CRACDL: variants seen among roughly 807,000 people sequenced by gnomAD.
CRACDL encodes the protein CRACD-like protein.
CRACDL carries 26 observed loss-of-function variants against 70.6 expected under a neutral mutation model. That is an observed-to-expected ratio of 0.37 (90% CI 0.27 to 0.51). CRACDL has a LOEUF of 0.51. Among genes scored for constraint, CRACDL ranks in the 20% least tolerant of loss-of-function variants. The pLI is 0.94. For missense variants in CRACDL, 1,283 were observed against 1,376.9 expected, an observed-to-expected ratio of 0.93 and a Z score of 1.08; for synonymous variants, 618 against 615.2, an observed-to-expected ratio of 1.00 and a Z score of -0.07.
At chr2:98,904,020 A>G (rs1164721670) in intron 1 of CRACDL, among the ~76,000 whole-genome samples, 1 of 152,170 alleles carries the variant, frequency 6.6e-6, no homozygotes, top group Non-Finnish European at 1.5e-5. Flanking sequence ...AGCCTCATGT[A>G]AGAGAGCCCT....
At chr2:98,918,197 A>G (rs937330894) in intron 1 of CRACDL, among the ~76,000 whole-genome samples, 5 of 152,248 alleles carry the variant, frequency 3.3e-5, no homozygotes, top group African/African-American at 1.2e-4. Flanking sequence ...AAATCTCCAC[A>G]CTGTTTTCCA....
chr2:98,826,412 C>G, intron 6 of CRACDL, among the ~76,000 whole-genome samples: 1 of 152,228 alleles, frequency 6.6e-6, no homozygotes, highest in East Asian at 1.9e-4. Flanking sequence ...GCAGCCAGGA[C>G]AGGGTCTCAA....
At chr2:98,927,138 C>T (rs1294260829) in intron 1 of CRACDL, among the ~76,000 whole-genome samples, 4 of 152,202 alleles carry the variant, frequency 2.6e-5, no homozygotes, top group East Asian at 1.9e-4. Context: ...CCACTATGGA[C>T]GTATCTGGTT....
chr2:98,831,510 C>T (rs1385787974), intron 5 of CRACDL, among the ~76,000 whole-genome samples: 2 of 152,182 alleles, frequency 1.3e-5, no homozygotes, highest in East Asian at 3.8e-4. Flanking sequence ...AAAAAATAAA[C>T]TCTGGCCTTT....
chr2:98,843,055 C>G (rs772887324), intron 2 of CRACDL, among the ~76,000 whole-genome samples: 1 of 152,124 alleles, frequency 6.6e-6, no homozygotes, highest in African/African-American at 2.4e-5. Flanking sequence ...GCATCCTTAT[C>G]AGCTCCTGTT....
At chr2:98,836,524 C>T (rs1705788432) in intron 3 of CRACDL, among the ~76,000 whole-genome samples, 1 of 152,294 alleles carries the variant, frequency 6.6e-6, no homozygotes, top group Non-Finnish European at 1.5e-5. Flanking sequence ...TTTCCATGGG[C>T]TCCTGTGACA....
At position 98,797,385 on chromosome 2, in the gene CRACDL, G is replaced by A; in HGVS notation, c.2569C>T (p.Pro857Ser). The change falls in exon 8 of 10, where the codon CCA (proline) becomes TCA (serine). Residue 857 changes from proline to serine, a missense_variant. Transcript: ENST00000397899. ...TCGGGCACCTTGGCTTGCTTTCCTG[G>A]TTCAGACTTCAGGGTCCGTGCCCCA... ...KPGARTLKSE[P>S]GKQAKVPERG... 1 of 1,614,148 alleles carries A rather than the reference G, an allele frequency of 6.2e-7. No individual in the cohort carries two copies. Among genetic ancestry groups the A allele is most frequent in the Non-Finnish European group, 8.5e-7 (1 of 1,180,036 alleles).
At chr2:98,834,650 C>A (rs1352628022) in intron 3 of CRACDL, among the ~76,000 whole-genome samples, 1 of 152,050 alleles carries the variant, frequency 6.6e-6, no homozygotes, top group Non-Finnish European at 1.5e-5. Context: ...TGCAAAGATA[C>A]CTACATTGAC....
intron 1 of CRACDL, among the ~76,000 whole-genome samples, chr2:98,923,202 C>T (rs994927560): frequency 6.8e-6 from 1 of 147,198 alleles, no homozygotes; most frequent in Admixed American, 6.9e-5. Context: ...ACCCAGGAGG[C>T]GAAAGTTGCA....
At position 98,821,936 on chromosome 2, in the gene CRACDL, G is replaced by A. The variant is rs994098527; in HGVS notation, c.2337C>T (p.Pro779=). 2 of 1,568,692 alleles carry A rather than the reference G, an allele frequency of 1.3e-6. No individual in the cohort carries two copies. Among genetic ancestry groups the A allele is most frequent in the Admixed American group, 3.9e-5 (2 of 51,712 alleles). ...CCCGCTCTCCCGGGCCGGCGTCGGGGGGCGCGGGCTGGTGCGGGAGCGTGA... is the reference window on the plus strand; with the variant it reads ...CCCGCTCTCCCGGGCCGGCGTCGGGAGGCGCGGGCTGGTGCGGGAGCGTGA... ...QSFTLPHQPA[P]PDAGPGEREP... The change falls in exon 7 of 10, where the codon CCC becomes CCT. Residue 779 remains proline, a synonymous_variant. Transcript: ENST00000397899.
chr2:98,862,729 C>T (rs1367525458), intron 1 of CRACDL, among the ~76,000 whole-genome samples: 1 of 151,778 alleles, frequency 6.6e-6, no homozygotes, highest in Non-Finnish European at 1.5e-5. Flanking sequence ...TGGAAATTAT[C>T]AAGTCTAAGG....
chr2:98,867,733 T>TA (rs1347554268), intron 1 of CRACDL, among the ~76,000 whole-genome samples: 3 of 152,226 alleles, frequency 2.0e-5, no homozygotes, highest in Non-Finnish European at 4.4e-5. Flanking sequence ...GAGTGAGAGC[T>TA]ATGACTCGTG....
At chr2:98,794,721 A>G in intron 9 of CRACDL, 50 bp from the exon 10 acceptor site, 2 of 1,556,634 alleles carry the variant, frequency 1.3e-6, no homozygotes, top group South Asian at 1.1e-5. Context: ...GTGACTTCGA[A>G]TTTTCCCTTA....
intron 2 of CRACDL, among the ~76,000 whole-genome samples, chr2:98,839,255 A>G (rs377600869): frequency 3.3e-5 from 5 of 152,336 alleles, no homozygotes; most frequent in African/African-American, 1.2e-4. Flanking sequence ...CTTTAGTAGG[A>G]GTTCCTACAT....
chr2:98,800,724 C>G (rs961140323), intron 7 of CRACDL, among the ~76,000 whole-genome samples: 4 of 152,242 alleles, frequency 2.6e-5, no homozygotes, highest in African/African-American at 9.6e-5. Flanking sequence ...ATCTACCCAA[C>G]TGAAGTATGC....
intron 1 of CRACDL, among the ~76,000 whole-genome samples, chr2:98,903,557 G>A (rs981909179): frequency 1.2e-4 from 19 of 152,234 alleles, no homozygotes; most frequent in East Asian, 3.9e-4. Context: ...TCCACCTTGC[G>A]GAAGAAACCA....
At chr2:98,895,380 CAG>C (rs1165188201) in intron 1 of CRACDL, among the ~76,000 whole-genome samples, 2 of 152,130 alleles carry the variant, frequency 1.3e-5, no homozygotes, top group African/African-American at 2.4e-5. Context: ...GCTTGGAAGA[CAG>C]AACTAGGCTG....
At chr2:98,837,147 G>A (rs1575370202) in intron 3 of CRACDL, among the ~76,000 whole-genome samples, 2 of 145,524 alleles carry the variant, frequency 1.4e-5, no homozygotes, top group African/African-American at 2.6e-5. Flanking sequence ...TGCAATGTGA[G>A]TCTATTACAT....
In CRACDL at chr2:98,848,032, G is replaced by A. The variant is rs191019420; in HGVS notation, c.-10-1222C>T. ...ACAATTTGGCTTCAAAAAAATGTCC[G>A]GTCTTGTGTCGGCTCTGCCAAAAAC... On this transcript the variant is annotated intron_variant, in intron 1 of 9. Coordinates refer to ENST00000397899, the MANE Select transcript of CRACDL (RefSeq NM_207362.3). 2.2e-3 allele frequency among the ~76,000 whole-genome samples: 330 copies of A among 152,220 alleles called. 2 individuals carry two copies. The highest frequency in any genetic ancestry group is 7.5e-3 in the African/African-American group (313 of 41,524).
Sources: allele counts gnomAD v4.1 joint callset (sites outside exome capture counted in the v4.1 genomes callset), GRCh38; gene constraint gnomAD v4.1.1; transcripts MANE v1.5; gene names NCBI Gene and HGNC (gene_info 2026-07-23, HGNC 2026-07-21).